The following AXDND1 variants were observed in gnomAD, a reference collection of about 807,000 sequenced individuals.
The protein encoded by AXDND1 is axonemal dynein light chain domain-containing protein 1.
AXDND1 carries 110 observed loss-of-function variants against 137.5 expected under a neutral mutation model. The observed-to-expected ratio is 0.80, with a 90% CI of 0.69 to 0.94. The LOEUF (loss-of-function observed/expected upper bound fraction) is 0.94. Among genes scored for constraint, AXDND1 ranks in the 40% least tolerant of loss-of-function variants. The pLI is 0.00. For synonymous variants in AXDND1, 414 were observed against 399.7 expected (o/e 1.04, Z -0.43); for missense variants, 1,191 against 1,169.8 (o/e 1.02, Z -0.26).
intron 11 of AXDND1, among the ~76,000 whole-genome samples, chr1:179,398,491 G>A (rs1651414507): frequency 6.6e-6 from 1 of 152,226 alleles, no homozygotes; most frequent in South Asian, 2.1e-4. Context: ...AGCAGTAGTG[G>A]CAATGTTGTG....
chr1:179,378,641 A>G lies in AXDND1; in HGVS notation c.379A>G (p.Ile127Val), dbSNP rs1305122576. 3.2e-6 allele frequency: 5 copies of G among 1,573,538 alleles called. No homozygotes were observed. The highest frequency in any genetic ancestry group is 1.2e-5 in the South Asian group (1 of 83,702). Residue 127 changes from isoleucine (I) to valine (V), a missense_variant, in exon 5 of 26, where the codon ATT becomes GTT. Transcript: ENST00000367618. ...TATATTTTTCTTACTTTTTAGGGAT[A>G]TTTCTTTTCTGTACGATGTAACATA... ...PVSLTGAGRD[I>V]SFLYDVTYAK...
In AXDND1 at chr1:179,393,940, C is replaced by T. The variant is rs1650602909; in HGVS notation, c.901C>T (p.Gln301Ter). ...YVQMLDQIAR[Q>*]MIDFYKDLVT... ...GCAAATGCTTGACCAGATTGCTCGG[C>T]AGATGATTGATTTCTACAAAGACTT... Residue 301 changes from glutamine (Q) to a stop codon, truncating the protein, a stop_gained, in exon 10 of 26, where the codon CAG becomes TAG. Transcript: ENST00000367618. LOFTEE classifies it high-confidence loss of function. 1 of 1,612,040 alleles carries T rather than the reference C, an allele frequency of 6.2e-7. No homozygotes were observed. Among genetic ancestry groups the T allele is most frequent in the Non-Finnish European group, 8.5e-7 (1 of 1,179,312 alleles).
intron 20 of AXDND1, among the ~76,000 whole-genome samples, chr1:179,508,917 C>G (rs1668775082): frequency 6.6e-6 from 1 of 152,176 alleles, no homozygotes; most frequent in Non-Finnish European, 1.5e-5. Flanking sequence ...CAGAGTCTGG[C>G]ATATAATTAA....
In AXDND1 at chr1:179,551,306, A is replaced by G. The variant is rs531420047; in HGVS notation, c.3032-3206A>G. ...ATTCAGTAGGTCAAATGGCAAAGGT[A>G]AAACCACAGTGGAAGGCTTCTCTGT... On this transcript the variant is annotated intron_variant, in intron 25 of 25. Coordinates refer to ENST00000367618, the MANE Select transcript of AXDND1 (RefSeq NM_144696.6). 3 of 1,614,142 alleles carry G rather than the reference A, an allele frequency of 1.9e-6. No individual in the cohort carries two copies. The East Asian group carries it at 6.7e-5, about 36-fold the overall frequency.
chr1:179,430,477 A>G lies in AXDND1; in HGVS notation c.1358A>G (p.Gln453Arg), dbSNP rs775241467. The G allele has an allele frequency of 6.2e-7, 1 of 1,613,780 alleles. No homozygotes were observed. Among genetic ancestry groups the G allele is most frequent in the South Asian group, 1.1e-5 (1 of 91,030 alleles). ...NKDTEDLALL[Q>R]KLTQKWRNLV... ...GACACTGAAGACCTTGCACTGTTGC[A>G]GAAGTTGACACAAAAATGGAGAAAC... is the stretch of plus-strand genomic sequence containing the variant. The change falls in exon 14 of 26, where the codon CAG becomes CGG. Residue 453 changes from glutamine (Q) to arginine (R), a missense_variant. Gln to Arg is a conservative substitution (Grantham distance 43). Transcript: ENST00000367618.
At chr1:179,478,799 C>T (rs1664954526) in intron 17 of AXDND1, among the ~76,000 whole-genome samples, 1 of 152,134 alleles carries the variant, frequency 6.6e-6, no homozygotes, top group Non-Finnish European at 1.5e-5. Flanking sequence ...CTCTGTTTCC[C>T]TTTTAAAACT....
chr1:179,515,105 T>G (rs1358220454), intron 21 of AXDND1, among the ~76,000 whole-genome samples: 1 of 152,214 alleles, frequency 6.6e-6, no homozygotes, highest in Non-Finnish European at 1.5e-5. Flanking sequence ...TCGTGCTATT[T>G]GTTGACTTTG....
Position 179,415,540 on chromosome 1 carries a change from G to A in AXDND1, c.1230+4274G>A, listed in dbSNP as rs1259754308. Among the ~76,000 whole-genome samples the A allele has an allele frequency of 3.3e-5, 5 of 152,154 alleles. No individual in the cohort carries two copies. In the East Asian group the frequency reaches 9.6e-4, roughly 29 times the overall value. On this transcript the variant is annotated intron_variant, in intron 12 of 25. Coordinates refer to ENST00000367618, the MANE Select transcript of AXDND1 (RefSeq NM_144696.6). Reference sequence around the variant, plus strand: ...ACCCAATTAAAGTGTACAATTATATGTTTTTTAGCATGGTCGCAGAACTGT... The same window carrying A: ...ACCCAATTAAAGTGTACAATTATATATTTTTTAGCATGGTCGCAGAACTGT...
At chr1:179,459,953 TCTTC>T (rs1662047089) in intron 16 of AXDND1, among the ~76,000 whole-genome samples, 2 of 126,360 alleles carry the variant, frequency 1.6e-5, no homozygotes, top group African/African-American at 5.4e-5. Flanking sequence ...TCTTTTCTTT[TCTTC>T]CTTCTTTCTT....
At chr1:179,489,544 T>A (rs560179732) in intron 18 of AXDND1, among the ~76,000 whole-genome samples, 1 of 152,290 alleles carries the variant, frequency 6.6e-6, no homozygotes, top group East Asian at 1.9e-4. Flanking sequence ...TAGTAGAATA[T>A]GTAAGGAAGT....
intron 16 of AXDND1, chr1:179,456,757 C>T (rs1434812738): frequency 2.6e-6 from 2 of 782,380 alleles, no homozygotes; most frequent in Admixed American, 3.4e-5. Flanking sequence ...CTACTTTGAC[C>T]TCTTTGGCTG....
chr1:179,491,582 G>A lies in AXDND1; in HGVS notation c.2136G>A (p.Leu712=). 2.5e-6 allele frequency: 4 copies of A among 1,612,988 alleles called. No individual in the cohort carries two copies. The highest frequency in any genetic ancestry group is 3.4e-6 in the Non-Finnish European group (4 of 1,179,038). The stretch of plus-strand genomic sequence containing the variant: ...CTATGATCCAGTGGATGGTAAACTT[G>A]CTGATTTTAATGATACCCAACTTTA... ...HISMIQWMVN[L]LILMIPNFTD... The change falls in exon 19 of 26, where the codon TTG becomes TTA. Residue 712 remains leucine, a synonymous_variant. Coordinates refer to ENST00000367618, the MANE Select transcript of AXDND1 (RefSeq NM_144696.6).
intron 20 of AXDND1, 53 bp from the exon 21 acceptor site, chr1:179,509,243 T>C: frequency 9.0e-7 from 1 of 1,109,532 alleles, no homozygotes; most frequent in South Asian, 1.3e-5. Context: ...TCAATAGCGG[T>C]GAGTGAATAA....
At chr1:179,367,964 C>A (rs1667630169) in intron 2 of AXDND1, among the ~76,000 whole-genome samples, 1 of 150,088 alleles carries the variant, frequency 6.7e-6, no homozygotes, top group South Asian at 2.1e-4. Context: ...CCCCAAGCCC[C>A]ACCCAACTTT....
chr1:179,503,717 A>G (rs1348142509), intron 20 of AXDND1, among the ~76,000 whole-genome samples: 1 of 151,476 alleles, frequency 6.6e-6, no homozygotes, highest in Non-Finnish European at 1.5e-5. Flanking sequence ...CCCTCACCCC[A>G]CAACAGTCCC....
intron 12 of AXDND1, among the ~76,000 whole-genome samples, chr1:179,424,997 A>G (rs948018303): frequency 6.6e-6 from 1 of 152,128 alleles, no homozygotes; most frequent in Admixed American, 6.5e-5. Flanking sequence ...GTAGTTTTGA[A>G]TTCTTCATCA....
chr1:179,534,607 T>G lies in AXDND1; in HGVS notation c.2799-123T>G, dbSNP rs565358090. On this transcript the variant is annotated intron_variant, in intron 24 of 25. Coordinates refer to ENST00000367618, the MANE Select transcript of AXDND1 (RefSeq NM_144696.6). ...TCAGTTAATCATTGATGCTGTTGCTTCCCTTATTTCTACCCTTCAGACACA... is the reference window on the plus strand; with the variant it reads ...TCAGTTAATCATTGATGCTGTTGCTGCCCTTATTTCTACCCTTCAGACACA... The G allele has an allele frequency of 2.4e-6, 3 of 1,271,504 alleles. No homozygotes were observed. The South Asian group carries it at 5.9e-5, about 25-fold the overall frequency. The allele number at this position is 1,271,504 out of a possible 1,614,324, so 78.8% of individuals were successfully genotyped here. A position where few individuals can be genotyped will look rare whatever the true frequency, so the allele number is the denominator to read the frequency against.
intron 25 of AXDND1, among the ~76,000 whole-genome samples, chr1:179,546,479 C>A (rs1672656249): frequency 6.6e-6 from 1 of 151,582 alleles, no homozygotes; most frequent in African/African-American, 2.4e-5. Context: ...GTCTCCCAAG[C>A]AGAGTGGAGG....
chr1:179,392,798 G>T (rs1650399753), intron 9 of AXDND1, among the ~76,000 whole-genome samples: 1 of 151,934 alleles, frequency 6.6e-6, no homozygotes, highest in Admixed American at 6.6e-5. Flanking sequence ...CATGTCCTTT[G>T]CCCACTTTTT....
Sources: allele counts gnomAD v4.1 joint callset (sites outside exome capture counted in the v4.1 genomes callset), GRCh38; gene constraint gnomAD v4.1.1; transcripts MANE v1.5; gene names NCBI Gene and HGNC (gene_info 2026-07-23, HGNC 2026-07-21).